The following NRG1 variants were observed in gnomAD, a reference collection of about 807,000 sequenced individuals.
NRG1 encodes neuregulin 1, also known as pro-neuregulin-1, membrane-bound isoform.
Under a neutral mutation model 63.8 loss-of-function variants are expected in NRG1, and 18 were observed. The observed-to-expected ratio is 0.28, with a 90% CI of 0.19 to 0.42. NRG1 has a LOEUF of 0.42. Among genes scored for constraint, NRG1 ranks in the 10% least tolerant of loss-of-function variants. The pLI is 1.00. For missense variants in NRG1, 762 were observed against 814.7 expected (o/e 0.94, Z 0.79); for synonymous variants, 302 against 301.3 (o/e 1.00, Z -0.02).
At chr8:32,192,451 T>C (rs1271558599) in intron 1 of NRG1, among the ~76,000 whole-genome samples, 2 of 152,120 alleles carry the variant, frequency 1.3e-5, no homozygotes. Flanking sequence ...AACATGAATG[T>C]AGTTAGGGGC....
intron 1 of NRG1, among the ~76,000 whole-genome samples, chr8:31,981,228 T>C (rs1466816381): frequency 1.3e-5 from 2 of 152,048 alleles, no homozygotes; most frequent in Admixed American, 6.6e-5. Context: ...TTCCTGGAAT[T>C]TGTGATACAA....
chr8:32,559,502 A>T (rs1835931453), intron 1 of NRG1, among the ~76,000 whole-genome samples: 1 of 152,152 alleles, frequency 6.6e-6, no homozygotes, highest in Non-Finnish European at 1.5e-5. Context: ...TGTGATATAC[A>T]TATGCATGGT....
rs1023274438 is a variant in NRG1, at chr8:31,655,545, T to C, written c.37+16114T>C. Among the ~76,000 whole-genome samples the C allele has an allele frequency of 9.9e-5, 15 of 152,174 alleles. No individual in the cohort carries two copies. The South Asian group carries it at 2.1e-3, about 21-fold the overall frequency. On this transcript the variant is annotated intron_variant, in intron 1 of 10. Coordinates refer to the NRG1 transcript ENST00000519301. ...ACAGTCAGCACAAAGGAAGCAAAAA[T>C]GGGGTCTGAGAAGTAAGGAACAATC...
intron 1 of NRG1, among the ~76,000 whole-genome samples, chr8:31,777,646 G>C (rs574266706): frequency 1.3e-5 from 2 of 152,330 alleles, no homozygotes; most frequent in East Asian, 3.9e-4. Flanking sequence ...AGGTCTGCAG[G>C]CTATACAAGA....
At chr8:31,668,037 G>A (rs1225430025) in intron 1 of NRG1, among the ~76,000 whole-genome samples, 1 of 152,144 alleles carries the variant, frequency 6.6e-6, no homozygotes, top group Non-Finnish European at 1.5e-5. Flanking sequence ...TCTTCTATTG[G>A]AAGAGGATCA....
intron 1 of NRG1, among the ~76,000 whole-genome samples, chr8:32,085,278 T>C (rs1828051741): frequency 6.6e-6 from 1 of 152,236 alleles, no homozygotes; most frequent in Non-Finnish European, 1.5e-5. Context: ...TCATAATCCT[T>C]GTCTTTATGG....
At chr8:31,890,288 A>G (rs1831047725) in intron 1 of NRG1, among the ~76,000 whole-genome samples, 1 of 152,252 alleles carries the variant, frequency 6.6e-6, no homozygotes, top group African/African-American at 2.4e-5. Context: ...ATCCTCAGAC[A>G]TACTGAAGAA....
chr8:32,658,892 A>G (rs1324559142), intron 5 of NRG1, among the ~76,000 whole-genome samples: 1 of 152,208 alleles, frequency 6.6e-6, no homozygotes, highest in Non-Finnish European at 1.5e-5. Context: ...GAGGAAATGC[A>G]TACATTTTGG....
At chr8:32,381,785 CT>C (rs1810390827) in intron 1 of NRG1, among the ~76,000 whole-genome samples, 1 of 152,048 alleles carries the variant, frequency 6.6e-6, no homozygotes, top group African/African-American at 2.4e-5. Context: ...AATTATGACC[CT>C]GTTGAACTAT....
At chr8:32,728,666 TAG>T (rs1490203433) in intron 6 of NRG1, 14 of 984,516 alleles carry the variant, frequency 1.4e-5, no homozygotes, top group Middle Eastern at 5.2e-4. Flanking sequence ...ACATTGTATG[TAG>T]CATCCCTGTG....
At chr8:32,675,166 G>A (rs1806742258) in intron 5 of NRG1, among the ~76,000 whole-genome samples, 1 of 152,150 alleles carries the variant, frequency 6.6e-6, no homozygotes, top group African/African-American at 2.4e-5. Flanking sequence ...ATTTATATAT[G>A]TTCTGGTGAA....
At chr8:32,566,213 C>T (rs1013669353) in intron 1 of NRG1, among the ~76,000 whole-genome samples, 3 of 151,804 alleles carry the variant, frequency 2.0e-5, no homozygotes, top group African/African-American at 4.8e-5. Context: ...AAAAATTAGC[C>T]GGGCCTGGTG....
At chr8:32,084,645 T>A (rs1381754505) in intron 1 of NRG1, among the ~76,000 whole-genome samples, 1 of 152,192 alleles carries the variant, frequency 6.6e-6, no homozygotes, top group East Asian at 1.9e-4. Flanking sequence ...CCACTAATGT[T>A]TGTAAAATTT....
intron 2 of NRG1, among the ~76,000 whole-genome samples, chr8:32,596,339 C>T (rs1009086408): frequency 2.0e-5 from 3 of 152,088 alleles, no homozygotes; most frequent in Admixed American, 2.0e-4. Flanking sequence ...GATGGTGGCT[C>T]ACAACTGTAA....
chr8:31,950,223 C>T (rs924573432), intron 1 of NRG1, among the ~76,000 whole-genome samples: 1 of 152,176 alleles, frequency 6.6e-6, no homozygotes, highest in Non-Finnish European at 1.5e-5. Context: ...ATAAGTGTGT[C>T]CAGTGGAAAA....
At chr8:32,571,959 A>T (rs1380208994) in intron 1 of NRG1, among the ~76,000 whole-genome samples, 1 of 152,214 alleles carries the variant, frequency 6.6e-6, no homozygotes, top group East Asian at 1.9e-4. Context: ...AACTGATTCC[A>T]AACCCCATGT....
chr8:31,895,388 A>G (rs1831498534), intron 1 of NRG1, among the ~76,000 whole-genome samples: 1 of 152,254 alleles, frequency 6.6e-6, no homozygotes, highest in African/African-American at 2.4e-5. Context: ...TTCAGCCAGG[A>G]GAAGGGAAAA....
intron 1 of NRG1, among the ~76,000 whole-genome samples, chr8:32,298,323 T>G (rs1381824732): frequency 2.6e-5 from 4 of 152,236 alleles, no homozygotes; most frequent in African/African-American, 9.6e-5. Context: ...CAGAACTGAC[T>G]ACAGACTCAG....
chr8:32,393,606 A>G (rs1210028713), intron 1 of NRG1, among the ~76,000 whole-genome samples: 2 of 152,226 alleles, frequency 1.3e-5, no homozygotes, highest in East Asian at 1.9e-4. Context: ...GCTGGAGGCC[A>G]TTATCCTTAG....
Sources: gnomAD v4.1 joint callset for allele counts (sites outside exome capture counted in the v4.1 genomes callset) on GRCh38, gnomAD v4.1.1 for gene constraint, MANE v1.5 for transcripts, NCBI Gene and HGNC (gene_info 2026-07-23, HGNC 2026-07-21) for gene names.